The following INVS variants were observed in gnomAD, a reference collection of about 807,000 sequenced individuals.
The protein encoded by INVS is inversin.
INVS carries 86 observed loss-of-function variants against 108.8 expected under a neutral mutation model. That is an observed-to-expected ratio of 0.79 (90% CI 0.66 to 0.95). INVS has a LOEUF of 0.95. Among genes scored for constraint, INVS ranks in the 40% least tolerant of loss-of-function variants. The pLI, the probability that INVS is intolerant of heterozygous loss-of-function variation, is 0.00. For missense variants in INVS, 1,169 were observed against 1,297.4 expected, an observed-to-expected ratio of 0.90 and a Z score of 1.52; for synonymous variants, 455 against 473.5, an observed-to-expected ratio of 0.96 and a Z score of 0.51.
chr9:100,194,848 T>C (rs900183133), intron 3 of INVS, among the ~76,000 whole-genome samples: 28 of 152,294 alleles, frequency 1.8e-4, no homozygotes, highest in African/African-American at 6.3e-4. Context: ...TGAGTGTGGC[T>C]GTGCCCCTGG....
rs1457211116 is a variant in INVS at position 100,242,637 on chromosome 9, A to G, written c.864A>G (p.Gln288=). 3.1e-6 allele frequency: 5 copies of G among 1,612,154 alleles called. No homozygotes were observed. The African/African-American group carries it at 4.0e-5, about 13-fold the overall frequency. ...NKSGTIPSDS[Q]GATPLHYAAQ... Reference sequence around the variant, plus strand: ...CTGGAACTATCCCATCTGACAGCCAAGGAGCCACACCTTTGCACTATGCTG... The same window carrying G: ...CTGGAACTATCCCATCTGACAGCCAGGGAGCCACACCTTTGCACTATGCTG... Residue 288 remains glutamine (Q), a synonymous_variant, in exon 7 of 17, where the codon CAA becomes CAG. Transcript: ENST00000262457.
intron 3 of INVS, among the ~76,000 whole-genome samples, chr9:100,137,323 C>T (rs1030576758): frequency 1.3e-5 from 2 of 152,154 alleles, no homozygotes; most frequent in African/African-American, 4.8e-5. Context: ...GCTCCTCTCA[C>T]ACCTCCCCAG....
intron 7 of INVS, among the ~76,000 whole-genome samples, chr9:100,245,104 G>T (rs748182675): frequency 6.6e-6 from 1 of 152,084 alleles, no homozygotes; most frequent in Non-Finnish European, 1.5e-5. Flanking sequence ...AGCACTTTTT[G>T]TCTGAAACTC....
At chr9:100,295,481 GA>G (rs1833763811) in intron 14 of INVS, among the ~76,000 whole-genome samples, 1 of 152,192 alleles carries the variant, frequency 6.6e-6, no homozygotes, top group Non-Finnish European at 1.5e-5. Context: ...ACAGGAGCCT[GA>G]AGCGCTGTCC....
chr9:100,103,887 C>G (rs1458335607), intron 1 of INVS, among the ~76,000 whole-genome samples: 1 of 152,032 alleles, frequency 6.6e-6, no homozygotes, highest in Non-Finnish European at 1.5e-5. Flanking sequence ...GTGCTTAAAT[C>G]CAGCTAATTC....
At chr9:100,242,739 G>A (rs1030048391) in intron 7 of INVS, 60 bp downstream of exon 7, 1 of 976,016 alleles carries the variant, frequency 1.0e-6, no homozygotes, top group African/African-American at 1.6e-5. Context: ...TTATATAATT[G>A]TAGATTCATA....
At chr9:100,181,918 A>G (rs898328653) in intron 3 of INVS, among the ~76,000 whole-genome samples, 1 of 152,194 alleles carries the variant, frequency 6.6e-6, no homozygotes, top group African/African-American at 2.4e-5. Flanking sequence ...CAAAACAGAG[A>G]TATAGACCAA....
intron 2 of INVS, among the ~76,000 whole-genome samples, chr9:100,123,532 T>C (rs1161167445): frequency 6.6e-6 from 1 of 152,246 alleles, no homozygotes; most frequent in East Asian, 1.9e-4. Flanking sequence ...ACTTGCATTA[T>C]TTCCACCTTT....
intron 3 of INVS, among the ~76,000 whole-genome samples, chr9:100,192,621 A>G (rs1830255700): frequency 6.6e-6 from 1 of 152,168 alleles, no homozygotes; most frequent in Non-Finnish European, 1.5e-5. Flanking sequence ...GCTTTAGTAG[A>G]TACTGCCTAA....
intron 3 of INVS, among the ~76,000 whole-genome samples, chr9:100,187,230 A>G (rs1830080568): frequency 6.6e-6 from 1 of 152,144 alleles, no homozygotes; most frequent in South Asian, 2.1e-4. Context: ...TTTTCATACC[A>G]GTACCATGTT....
chr9:100,133,871 C>G (rs555352347), intron 3 of INVS, among the ~76,000 whole-genome samples: 4 of 151,152 alleles, frequency 2.6e-5, no homozygotes, highest in East Asian at 4.0e-4. Flanking sequence ...ATAAGTGCCT[C>G]TTTCTACTAG....
At chr9:100,281,175 GA>G (rs1200433233) in intron 12 of INVS, among the ~76,000 whole-genome samples, 2 of 152,198 alleles carry the variant, frequency 1.3e-5, no homozygotes, top group African/African-American at 4.8e-5. Flanking sequence ...CTGTCATGGG[GA>G]TGAATTTTAC....
intron 3 of INVS, among the ~76,000 whole-genome samples, chr9:100,224,219 A>T (rs767030302): frequency 6.6e-6 from 1 of 152,236 alleles, no homozygotes; most frequent in Non-Finnish European, 1.5e-5. Context: ...TGATTAAAAA[A>T]TGTATTCCTT....
intron 3 of INVS, among the ~76,000 whole-genome samples, chr9:100,205,238 G>C (rs1830639962): frequency 6.6e-6 from 1 of 152,042 alleles, no homozygotes. Context: ...AAACACAGTA[G>C]CCTTAATAGA....
At chr9:100,137,675 A>C (rs932131579) in intron 3 of INVS, among the ~76,000 whole-genome samples, 1 of 152,182 alleles carries the variant, frequency 6.6e-6, no homozygotes, top group African/African-American at 2.4e-5. Flanking sequence ...ATACTGATTG[A>C]TGTGTATGCC....
At chr9:100,233,910 T>G (rs1438831827) in intron 5 of INVS, among the ~76,000 whole-genome samples, 1 of 152,194 alleles carries the variant, frequency 6.6e-6, no homozygotes, top group Non-Finnish European at 1.5e-5. Context: ...GGATTCCCTC[T>G]TTTTCTATTG....
chr9:100,298,076 C>A (rs778004406), intron 16 of INVS, 66 bp downstream of exon 16: 1 of 1,611,742 alleles, frequency 6.2e-7, no homozygotes, highest in Non-Finnish European at 8.5e-7. Context: ...TTTGTTTCAT[C>A]CCCAAAGACA....
intron 13 of INVS, among the ~76,000 whole-genome samples, chr9:100,291,321 A>G (rs1833608495): frequency 6.6e-6 from 1 of 152,138 alleles, no homozygotes; most frequent in Non-Finnish European, 1.5e-5. Context: ...CGGCCTCCCA[A>G]AGTGCTGGGA....
chr9:100,179,082 A>G (rs971560582), intron 3 of INVS, among the ~76,000 whole-genome samples: 3 of 152,228 alleles, frequency 2.0e-5, no homozygotes, highest in African/African-American at 7.2e-5. Context: ...ACAGAGAAGC[A>G]AATGCAGAGA....
Sources: gnomAD v4.1 joint callset for allele counts (sites outside exome capture counted in the v4.1 genomes callset) on GRCh38, gnomAD v4.1.1 for gene constraint, MANE v1.5 for transcripts, NCBI Gene and HGNC (gene_info 2026-07-23, HGNC 2026-07-21) for gene names.